The following PSMA6 variants were observed in gnomAD, a reference collection of about 807,000 sequenced individuals.
The protein encoded by PSMA6 is proteasome subunit alpha type-6.
For synonymous variants in PSMA6, 88 were observed against 97.7 expected (o/e 0.90, Z 0.59); for missense variants, 170 against 294.8 (o/e 0.58, Z 3.10).
intron 1 of PSMA6, among the ~76,000 whole-genome samples, chr14:35,298,483 C>A (rs1314204801): frequency 6.6e-6 from 1 of 150,978 alleles, no homozygotes; most frequent in African/African-American, 2.4e-5. Context: ...AAGTGAGACT[C>A]CATCTCAAAA....
At chr14:35,314,233 A>G in intron 5 of PSMA6, 128 bp from the exon 6 acceptor site, 1 of 1,112,632 alleles carries the variant, frequency 9.0e-7, no homozygotes. Flanking sequence ...GCAGTCTGTT[A>G]GTAACATTGA....
intron 4 of PSMA6, 118 bp from the exon 5 acceptor site, chr14:35,312,763 A>G (rs1358810580): frequency 8.1e-6 from 7 of 866,664 alleles, no homozygotes; most frequent in African/African-American, 3.5e-5. Flanking sequence ...AGGAAAATAC[A>G]TATCCTAAAA....
In PSMA6 at chr14:35,278,850, C is replaced by A. The variant is rs999755111; in HGVS notation, c.19+132C>A. 88 of 1,005,610 alleles carry A rather than the reference C, an allele frequency of 8.8e-5. No homozygotes were observed. The Middle Eastern group carries it at 9.2e-4, about 11-fold the overall frequency. 62.3% of individuals were successfully genotyped at this position (1,005,610 alleles called of 1,614,324 possible). On this transcript the variant is annotated intron_variant, in intron 1 of 6. Coordinates refer to the PSMA6 transcript ENST00000540871. ...AATCCCAAGTTGCTTTTTTTTCTAT[C>A]CTGTGTTCCATGGCTGAGCAGTCTA... is the stretch of plus-strand genomic sequence containing the variant.
intron 1 of PSMA6, among the ~76,000 whole-genome samples, chr14:35,302,939 T>C (rs1214685196): frequency 6.6e-6 from 1 of 152,238 alleles, no homozygotes; most frequent in Non-Finnish European, 1.5e-5. Flanking sequence ...AGCATAGTTA[T>C]AATGGTTGTT....
chr14:35,290,595 TTAAAA>T (rs1254942479), upstream of PSMA6, among the ~76,000 whole-genome samples: 1 of 152,218 alleles, frequency 6.6e-6, no homozygotes, highest in Non-Finnish European at 1.5e-5. Flanking sequence ...CATTTTTTCT[TTAAAA>T]TAGAAAGTTA....
chr14:35,316,592 G>C (rs1338326652), intron 6 of PSMA6: 2 of 151,002 alleles, frequency 1.3e-5, no homozygotes, highest in Non-Finnish European at 3.0e-5. Context: ...TGACGGCTGG[G>C]CAAGGTGGCT....
intron 1 of PSMA6, among the ~76,000 whole-genome samples, chr14:35,298,022 T>C (rs2051632887): frequency 6.6e-6 from 1 of 152,150 alleles, no homozygotes. Context: ...AACCTAATGG[T>C]TTGTTGTTGG....
intron 1 of PSMA6, among the ~76,000 whole-genome samples, chr14:35,306,820 T>TAG (rs966656618): frequency 6.6e-6 from 1 of 152,202 alleles, no homozygotes; most frequent in Non-Finnish European, 1.5e-5. Context: ...TGACAGCAGC[T>TAG]AGAAGTGCAT....
chr14:35,299,708 C>T (rs2051674311), intron 1 of PSMA6, among the ~76,000 whole-genome samples: 1 of 152,112 alleles, frequency 6.6e-6, no homozygotes, highest in Non-Finnish European at 1.5e-5. Context: ...GCCAGTGTTT[C>T]TTTAAAAGAT....
At chr14:35,284,655 C>T (rs1296230447) in intron 1 of PSMA6, among the ~76,000 whole-genome samples, 3 of 152,156 alleles carry the variant, frequency 2.0e-5, no homozygotes, top group Non-Finnish European at 4.4e-5. Context: ...CTAATGCCTA[C>T]TTCTCCTTTA....
chr14:35,292,576 G>A, intron 1 of PSMA6, 24 bp downstream of exon 1: 2 of 1,611,156 alleles, frequency 1.2e-6, no homozygotes, highest in Non-Finnish European at 1.7e-6. Context: ...GTTCGCCTGT[G>A]GGCCACCTGA....
intron 1 of PSMA6, 88 bp from the exon 2 acceptor site, chr14:35,307,906 C>T: frequency 7.9e-7 from 1 of 1,270,836 alleles, no homozygotes; most frequent in African/African-American, 1.5e-5. Context: ...TCATGTAGCT[C>T]TTTCTCATTC....
intron 1 of PSMA6, chr14:35,278,826 A>G (rs2051333592): frequency 7.4e-7 from 1 of 1,351,140 alleles, no homozygotes; most frequent in Admixed American, 2.1e-5. Context: ...TTGCTCTAGA[A>G]TCCCAAGTTG....
At chr14:35,311,806 T>C (rs2051949374) in intron 4 of PSMA6, among the ~76,000 whole-genome samples, 2 of 152,294 alleles carry the variant, frequency 1.3e-5, no homozygotes, top group South Asian at 4.1e-4. Context: ...TAGAGGAGTA[T>C]ATACCAACAG....
At chr14:35,310,191 CTT>C (rs33988739) in intron 3 of PSMA6, 37,610 of 342,646 alleles carry the variant, frequency 0.11, 9 homozygotes, top group South Asian at 0.16. Context: ...CTCTCAAGGC[CTT>C]TTTTTTTTTT....
At chr14:35,311,537 T>C (rs1205964119) in intron 4 of PSMA6, among the ~76,000 whole-genome samples, 1 of 152,212 alleles carries the variant, frequency 6.6e-6, no homozygotes, top group East Asian at 1.9e-4. Flanking sequence ...ATATTCATCT[T>C]GCAAGACCTT....
intron 1 of PSMA6, among the ~76,000 whole-genome samples, chr14:35,305,926 C>G (rs984972112): frequency 8.6e-5 from 13 of 151,092 alleles, no homozygotes; most frequent in African/African-American, 2.7e-4. Context: ...CTATTTTTAA[C>G]TAAAAATAAA....
At chr14:35,310,101 G>A in intron 3 of PSMA6, 1 of 373,240 alleles carries the variant, frequency 2.7e-6, no homozygotes, top group South Asian at 2.0e-5. Flanking sequence ...CTCACTGGGT[G>A]CCAGTCCAAG....
chr14:35,289,122 ATTTAAATTCAGG>A (rs2051450572), upstream of PSMA6, among the ~76,000 whole-genome samples: 1 of 152,224 alleles, frequency 6.6e-6, no homozygotes. Context: ...TCACAAATGA[ATTTAAATTCAGG>A]TTTAAATAAA....
Sources: allele counts gnomAD v4.1 joint callset (sites outside exome capture counted in the v4.1 genomes callset), GRCh38; gene constraint gnomAD v4.1.1; transcripts MANE v1.5; gene names NCBI Gene and HGNC (gene_info 2026-07-23, HGNC 2026-07-21).